Variants in RABGAP1L observed in about 807,000 individuals in gnomAD.
RABGAP1L encodes the protein rab GTPase-activating protein 1-like.
In RABGAP1L, 63 loss-of-function variants were observed where a neutral mutation model predicts 137.7. The observed-to-expected ratio is 0.46, with a 90% CI of 0.37 to 0.56. The LOEUF (loss-of-function observed/expected upper bound fraction) is 0.56. Ranked by LOEUF, RABGAP1L falls within the 20% of genes least tolerant of loss-of-function variation. The pLI, the probability that RABGAP1L is intolerant of heterozygous loss-of-function variation, is 0.00. For missense variants in RABGAP1L, 1,095 were observed against 1,244.0 expected (o/e 0.88, Z 1.80); for synonymous variants, 431 against 433.7 (o/e 0.99, Z 0.08).
intron 20 of RABGAP1L, chr1:174,957,917 T>G: frequency 1.3e-6 from 2 of 1,587,244 alleles, no homozygotes; most frequent in Non-Finnish European, 1.7e-6. Context: ...TAACTCCAGC[T>G]GTTGCATTTA....
chr1:174,832,129 C>T (rs925007943), intron 19 of RABGAP1L, among the ~76,000 whole-genome samples: 1 of 146,192 alleles, frequency 6.8e-6, no homozygotes, highest in Non-Finnish European at 1.5e-5. Context: ...CCTGTCTCTA[C>T]AAAAAATGCA....
At chr1:174,544,460 G>T (rs1039941465) in intron 13 of RABGAP1L, among the ~76,000 whole-genome samples, 2 of 152,116 alleles carry the variant, frequency 1.3e-5, no homozygotes, top group African/African-American at 2.4e-5. Flanking sequence ...GTCATTTAAG[G>T]TCTTGTCTAT....
chr1:174,851,401 C>T (rs1325349774), intron 19 of RABGAP1L, among the ~76,000 whole-genome samples: 2 of 152,082 alleles, frequency 1.3e-5, no homozygotes, highest in Non-Finnish European at 2.9e-5. Flanking sequence ...GCTCTGCTGT[C>T]TTTTCATTAC....
Position 174,448,970 on chromosome 1 carries a change from C to T in RABGAP1L, c.1710+54825C>T. The T allele has an allele frequency of 6.2e-7, 1 of 1,613,710 alleles. No homozygotes were observed. The highest frequency in any genetic ancestry group is 8.5e-7 in the Non-Finnish European group (1 of 1,179,626). ...GCTCCCCTATATAATTTACTTTCTT[C>T]TAGAAAGCTCCCGGGTCTTGGACAA... is the stretch of plus-strand genomic sequence containing the variant. On this transcript the variant is annotated intron_variant, in intron 13 of 25. Transcript: ENST00000681986. This position sits in a 1 kb window ranked among gnomAD's most constrained non-coding sequence, Gnocchi z 4.2.
intron 13 of RABGAP1L, among the ~76,000 whole-genome samples, chr1:174,510,174 T>C (rs1662197647): frequency 6.6e-6 from 1 of 152,220 alleles, no homozygotes; most frequent in South Asian, 2.1e-4. Context: ...TTTAGCTCTT[T>C]AGCCTCCTTT....
intron 19 of RABGAP1L, among the ~76,000 whole-genome samples, chr1:174,904,024 T>G (rs928369697): frequency 2.0e-5 from 3 of 150,962 alleles, no homozygotes; most frequent in Non-Finnish European, 4.4e-5. Flanking sequence ...GCAAGCTGCC[T>G]CCACTCTCCC....
intron 7 of RABGAP1L, among the ~76,000 whole-genome samples, chr1:174,256,631 A>T (rs1447995203): frequency 6.6e-6 from 1 of 152,174 alleles, no homozygotes; most frequent in Non-Finnish European, 1.5e-5. Context: ...AAATATAAAA[A>T]TTAGCTGGGC....
intron 5 of RABGAP1L, among the ~76,000 whole-genome samples, chr1:174,250,240 A>T (rs1027818882): frequency 2.5e-4 from 38 of 152,138 alleles, no homozygotes; most frequent in African/African-American, 8.9e-4. Context: ...TAGAGTTTGG[A>T]TGGTCTACAT....
Position 174,398,935 on chromosome 1 carries a change from T to C in RABGAP1L, c.1710+4790T>C, listed in dbSNP as rs564057577. On this transcript the variant is annotated intron_variant, in intron 13 of 25. Coordinates refer to ENST00000681986, the MANE Select transcript of RABGAP1L (RefSeq NM_001366446.1). ...ATATTTACTAATTGCCACTTGAGATTGATTAGCAATGTGTAATTCAGTTAG... is the reference window on the plus strand; with the variant it reads ...ATATTTACTAATTGCCACTTGAGATCGATTAGCAATGTGTAATTCAGTTAG... 4.6e-5 allele frequency among the ~76,000 whole-genome samples: 7 copies of C among 152,344 alleles called. No individual in the cohort carries two copies. The South Asian group carries it at 1.2e-3, about 27-fold the overall frequency.
Position 174,413,932 on chromosome 1 carries a change from G to C in RABGAP1L, c.1710+19787G>C, listed in dbSNP as rs144265016. On this transcript the variant is annotated intron_variant, in intron 13 of 25. Coordinates refer to ENST00000681986, the MANE Select transcript of RABGAP1L (RefSeq NM_001366446.1). ...CGAGCTCCCTGCTTAACTACCATAG[G>C]ACAGAGGCCATGAAGGCAGGGATAG... Among the ~76,000 whole-genome samples, 11 of 118,930 alleles carry C rather than the reference G, an allele frequency of 9.2e-5. No individual in the cohort carries two copies. The East Asian group carries it at 2.3e-3, about 25-fold the overall frequency. The allele number at this position is 118,930 out of a possible 152,430, so 78.0% of individuals were successfully genotyped here. A position where few individuals can be genotyped will look rare whatever the true frequency, so the allele number is the denominator to read the frequency against.
At chr1:174,290,043 T>C (rs1676441306) in intron 10 of RABGAP1L, among the ~76,000 whole-genome samples, 1 of 152,222 alleles carries the variant, frequency 6.6e-6, no homozygotes, top group Admixed American at 6.5e-5. Flanking sequence ...GCTGCTGGCT[T>C]GGTTCCCTGC....
chr1:174,519,709 A>T (rs1663198832), intron 13 of RABGAP1L, among the ~76,000 whole-genome samples: 1 of 152,250 alleles, frequency 6.6e-6, no homozygotes, highest in Non-Finnish European at 1.5e-5. Flanking sequence ...AATAAAGAAT[A>T]CATGGTACAT....
chr1:174,537,672 T>C (rs1261061787), intron 13 of RABGAP1L, among the ~76,000 whole-genome samples: 2 of 152,328 alleles, frequency 1.3e-5, no homozygotes, highest in East Asian at 3.9e-4. Context: ...TGGTGCTACC[T>C]GAGAGCATAA....
At chr1:174,450,079 A>G (rs1314216664) in intron 13 of RABGAP1L, among the ~76,000 whole-genome samples, 1 of 152,094 alleles carries the variant, frequency 6.6e-6, no homozygotes, top group South Asian at 2.1e-4. Flanking sequence ...GTTCCTTTTA[A>G]ATTAGTTCAT....
At chr1:174,631,913 T>C (rs1673421547) in intron 13 of RABGAP1L, among the ~76,000 whole-genome samples, 1 of 129,488 alleles carries the variant, frequency 7.7e-6, no homozygotes, top group Non-Finnish European at 1.6e-5. Flanking sequence ...AATATTGTTA[T>C]GTGTGAATTT....
rs547893125 is a variant in RABGAP1L at position 174,917,822 on chromosome 1, A to G, written c.2341-39635A>G. Among the ~76,000 whole-genome samples, 31 of 151,158 alleles carry G rather than the reference A, an allele frequency of 2.1e-4. No homozygotes were observed. The South Asian group carries it at 6.0e-3, about 29-fold the overall frequency. On this transcript the variant is annotated intron_variant, in intron 19 of 25. Transcript: ENST00000681986. ...CTGGCGATTACCCGTGATCCCAGCT[A>G]TGCAGGAGGCTGAGGCAGGAGAATT...
rs914460999 is a variant in RABGAP1L at position 174,595,827 on chromosome 1, C to T, written c.1711-41548C>T. ...CTTTTTGTTTGTCTGTGCCCTGCCC[C>T]CAGAGGTGGAGCCTACAGAGGCAGG... On this transcript the variant is annotated intron_variant, in intron 13 of 25. Coordinates refer to ENST00000681986, the MANE Select transcript of RABGAP1L (RefSeq NM_001366446.1). Among the ~76,000 whole-genome samples, 10 of 88,898 alleles carry T rather than the reference C, an allele frequency of 1.1e-4. No homozygotes were observed. In the East Asian group the frequency reaches 2.2e-3, roughly 19 times the overall value. 58.3% of individuals were successfully genotyped at this position (88,898 alleles called of 152,430 possible).
intron 3 of RABGAP1L, among the ~76,000 whole-genome samples, chr1:174,229,090 A>C (rs1275485733): frequency 6.6e-6 from 1 of 152,186 alleles, no homozygotes; most frequent in African/African-American, 2.4e-5. Flanking sequence ...TCATTCATCA[A>C]AAATAATTAT....
chr1:174,338,152 C>G (rs1681645087), intron 11 of RABGAP1L, among the ~76,000 whole-genome samples: 1 of 152,108 alleles, frequency 6.6e-6, no homozygotes, highest in African/African-American at 2.4e-5. Context: ...CTCATATCAA[C>G]TAGACTCAAG....
Sources: allele counts gnomAD v4.1 joint callset (sites outside exome capture counted in the v4.1 genomes callset), GRCh38; gene constraint gnomAD v4.1.1; non-coding constraint Gnocchi (gnomAD v3.1); transcripts MANE v1.5; gene names NCBI Gene and HGNC (gene_info 2026-07-23, HGNC 2026-07-21).